MCM10: variants seen among roughly 807,000 people sequenced by gnomAD.
The protein encoded by MCM10 is minichromosome maintenance 10 replication initiation factor.
MCM10 carries 91 observed loss-of-function variants against 109.9 expected under a neutral mutation model. That is an observed-to-expected ratio of 0.83 (90% CI 0.70 to 0.99). MCM10 has a LOEUF of 0.99. Among genes scored for constraint, MCM10 ranks in the 50% least tolerant of loss-of-function variants. The probability of loss-of-function intolerance (pLI) is 0.00; values close to 1 mark genes in which losing one functional copy is unlikely to be tolerated. For synonymous variants in MCM10, 380 were observed against 387.2 expected (o/e 0.98, Z 0.22); for missense variants, 1,077 against 1,061.2 (o/e 1.01, Z -0.21).
intron 14 of MCM10, among the ~76,000 whole-genome samples, chr10:13,195,810 C>T (rs1476858666): frequency 2.6e-5 from 4 of 151,926 alleles, no homozygotes; most frequent in Non-Finnish European, 5.9e-5. Context: ...ACCATGTTGG[C>T]CAGGCTGGTC....
In MCM10 at chr10:13,172,817, T is replaced by C. The variant is rs757829321; in HGVS notation, c.592+52T>C. 90 of 1,577,198 alleles carry C rather than the reference T, an allele frequency of 5.7e-5. No homozygotes were observed. Among genetic ancestry groups the C allele is most frequent in the Non-Finnish European group, 7.5e-5 (86 of 1,151,180 alleles). Reference sequence around the variant, plus strand: ...TGGCACTATTGTATGTGTTTATGTGTGTGGGGGTGTTCATGTGTGTGTGGG... The same window carrying C: ...TGGCACTATTGTATGTGTTTATGTGCGTGGGGGTGTTCATGTGTGTGTGGG... On this transcript the variant is annotated intron_variant, in intron 5 of 19. Coordinates refer to ENST00000378714, the MANE Select transcript of MCM10 (RefSeq NM_018518.5). This position sits in a 1 kb window ranked among gnomAD's most constrained non-coding sequence, Gnocchi z 5.2.
intron 18 of MCM10, among the ~76,000 whole-genome samples, chr10:13,204,796 C>T (rs1044854258): frequency 2.6e-5 from 4 of 152,026 alleles, no homozygotes; most frequent in Admixed American, 2.6e-4. Flanking sequence ...GCACTCTTCC[C>T]CACAGGATAC....
rs748463100 is a variant in MCM10 at position 13,197,628 on chromosome 10, T to A, written c.1980T>A (p.Ala660=). The A allele has an allele frequency of 6.2e-7, 1 of 1,612,820 alleles. No individual in the cohort carries two copies. The highest frequency in any genetic ancestry group is 8.5e-7 in the Non-Finnish European group (1 of 1,179,698). The change falls in exon 15 of 20, where the codon GCT becomes GCA. Residue 660 remains alanine, a synonymous_variant. Coordinates refer to ENST00000378714, the MANE Select transcript of MCM10 (RefSeq NM_018518.5). ...TCTCATTCCCTTTTTTCTAGTTAGC[T>A]GCTATCACCAAATTAAGGGCAAAAG... ...LSALAEAKKL[A]AITKLRAKGQ...
chr10:13,169,433 C>G (rs1834042110), intron 2 of MCM10, among the ~76,000 whole-genome samples: 1 of 152,174 alleles, frequency 6.6e-6, no homozygotes, highest in Non-Finnish European at 1.5e-5. Flanking sequence ...TATGCCATTT[C>G]AAGAGTGCAT....
chr10:13,163,519 C>T (rs1344081599), intron 1 of MCM10, among the ~76,000 whole-genome samples: 3 of 152,160 alleles, frequency 2.0e-5, no homozygotes, highest in African/African-American at 4.8e-5. Context: ...TAATTAGCTA[C>T]GCTGTTTCTC....
chr10:13,208,016 T>G (rs562196730), intron 18 of MCM10, among the ~76,000 whole-genome samples: 3 of 150,586 alleles, frequency 2.0e-5, no homozygotes, highest in South Asian at 4.3e-4. Flanking sequence ...CAGAGTAAAC[T>G]TCATAGGAAA....
At chr10:13,197,879 T>A in intron 15 of MCM10, 112 bp downstream of exon 15, 1 of 1,071,332 alleles carries the variant, frequency 9.3e-7, no homozygotes, top group Non-Finnish European at 1.3e-6. Context: ...TTTCCTCCTA[T>A]ATAGAATACC....
Position 13,189,461 on chromosome 10 carries a change from T to A in MCM10, c.1415+381T>A, listed in dbSNP as rs929378879. ...CCTCAGCCTCCTGAGTAGCTGGGAC[T>A]ACAGGCGCGTGCCACCACGCCCAGC... is the stretch of plus-strand genomic sequence containing the variant. On this transcript the variant is annotated intron_variant, in intron 10 of 19. Transcript: ENST00000378714. Among the ~76,000 whole-genome samples, 13 of 152,292 alleles carry A rather than the reference T, an allele frequency of 8.5e-5. No individual in the cohort carries two copies. The South Asian group carries it at 2.7e-3, about 32-fold the overall frequency.
chr10:13,171,251 G>T lies in MCM10; in HGVS notation c.337G>T (p.Glu113Ter). ...TGCCCCCAGGCGAGAGAAAACGAAT[G>T]AAGAGTTGCAAGGTGCCCTAACTAC... ...APAPRREKTN[E>*]ELQEELRNLQ... Residue 113 changes from glutamate (E) to a stop codon, truncating the protein, a stop_gained, in exon 3 of 20, where the codon GAA (glutamate) becomes TAA (stop). Coordinates refer to ENST00000378714, the MANE Select transcript of MCM10 (RefSeq NM_018518.5). LOFTEE classifies it high-confidence loss of function. 2 of 1,609,414 alleles carry T rather than the reference G, an allele frequency of 1.2e-6. No individual in the cohort carries two copies. The highest frequency in any genetic ancestry group is 1.7e-6 in the Non-Finnish European group (2 of 1,177,812).
chr10:13,166,688 A>ATATG lies in MCM10; in HGVS notation c.7+2480_7+2481insATGT, dbSNP rs1435674336. Among the ~76,000 whole-genome samples, 142 of 135,920 alleles carry ATATG rather than the reference A, an allele frequency of 1.0e-3. 1 individual carries two copies. Among genetic ancestry groups the ATATG allele is most frequent in the African/African-American group, 4.1e-3 (137 of 33,092 alleles). The allele number at this position is 135,920 out of a possible 152,430, so 89.2% of individuals were successfully genotyped here. On this transcript the variant is annotated intron_variant, in intron 2 of 19. Coordinates refer to ENST00000378714, the MANE Select transcript of MCM10 (RefSeq NM_018518.5). ...TATATATATATATATATATATATATATCATCAGCTAAGAGTAAAGAGTGGG... is the reference window on the plus strand; with the variant it reads ...TATATATATATATATATATATATATATATGTCATCAGCTAAGAGTAAAGAGTGGG...
chr10:13,193,596 C>A (rs1564390112), intron 13 of MCM10, among the ~76,000 whole-genome samples: 1 of 152,164 alleles, frequency 6.6e-6, no homozygotes, highest in Admixed American at 6.5e-5. Context: ...CAACCACATC[C>A]ATGAAAGGGA....
intron 18 of MCM10, 82 bp downstream of exon 18, chr10:13,204,446 A>G (rs1834542808): frequency 6.5e-7 from 1 of 1,534,632 alleles, no homozygotes; most frequent in Admixed American, 1.7e-5. Flanking sequence ...GTTCCCTTGG[A>G]ACGTTGGATG....
intron 16 of MCM10, among the ~76,000 whole-genome samples, chr10:13,199,704 G>A (rs1005466271): frequency 2.6e-5 from 4 of 152,212 alleles, no homozygotes; most frequent in African/African-American, 9.6e-5. Context: ...ATTCATAAAT[G>A]CAGAGGCAGA....
intron 13 of MCM10, among the ~76,000 whole-genome samples, chr10:13,194,389 A>C (rs1410224500): frequency 6.6e-6 from 1 of 152,048 alleles, no homozygotes; most frequent in Non-Finnish European, 1.5e-5. Context: ...ATAGCTCTTA[A>C]AACTATTTTT....
At position 13,180,624 on chromosome 10, in the gene MCM10, G is replaced by T; in HGVS notation, c.930+17G>T. The T allele has an allele frequency of 6.2e-7, 1 of 1,612,780 alleles. No homozygotes were observed. The highest frequency in any genetic ancestry group is 1.1e-5 in the South Asian group (1 of 90,710). On this transcript the variant is annotated intron_variant, in intron 7 of 19. Coordinates refer to ENST00000378714, the MANE Select transcript of MCM10 (RefSeq NM_018518.5). Reference sequence around the variant, plus strand: ...GTGAATAGTGTAAGCCATTGTATTGGTTTCTTAGCTGTTTTACTACAAACT... The same window carrying T: ...GTGAATAGTGTAAGCCATTGTATTGTTTTCTTAGCTGTTTTACTACAAACT...
Position 13,188,923 on chromosome 10 carries a change from A to C in MCM10, c.1258A>C (p.Lys420Gln), listed in dbSNP as rs1834310376. 6.2e-7 allele frequency: 1 copy of C among 1,614,054 alleles called. No individual in the cohort carries two copies. Among genetic ancestry groups the C allele is most frequent in the South Asian group, 1.1e-5 (1 of 91,088 alleles). The stretch of plus-strand genomic sequence containing the variant: ...TCAGTACCATGTCCAGGCTCAGTAC[A>C]AGAAGCTCAGCGCAAAGCGTGCGGA... ...YCQYHVQAQY[K>Q]KLSAKRADLQ... The change falls in exon 10 of 20, where the codon AAG becomes CAG. Residue 420 changes from lysine to glutamine, a missense_variant. Lys to Gln is a moderately conservative substitution (Grantham distance 53, BLOSUM62 1). Transcript: ENST00000378714.
intron 8 of MCM10, among the ~76,000 whole-genome samples, chr10:13,184,989 T>TAA (rs1304321393): frequency 6.6e-6 from 1 of 152,184 alleles, no homozygotes; most frequent in African/African-American, 2.4e-5. Flanking sequence ...CAGCTGCCAG[T>TAA]GGTTCAGCAT....
chr10:13,182,814 A>C lies in MCM10; in HGVS notation c.931-119A>C. On this transcript the variant is annotated intron_variant, in intron 7 of 19. Coordinates refer to ENST00000378714, the MANE Select transcript of MCM10 (RefSeq NM_018518.5). The surrounding 1 kb of genome is among the most constrained non-coding windows in gnomAD (Gnocchi z 4.2). ...GATGATACATATTTGAATAACAACA[A>C]AAAAACTTGGATTTTATGGATTATA... The C allele has an allele frequency of 1.4e-6, 1 of 738,394 alleles. No homozygotes were observed. Among genetic ancestry groups the C allele is most frequent in the South Asian group, 2.2e-5 (1 of 44,654 alleles). 45.7% of individuals were successfully genotyped at this position (738,394 alleles called of 1,614,324 possible).
intron 18 of MCM10, among the ~76,000 whole-genome samples, chr10:13,208,186 C>T (rs983027769): frequency 3.3e-5 from 5 of 151,950 alleles, no homozygotes; most frequent in African/African-American, 1.2e-4. Context: ...GAGTTCAAGA[C>T]CAGCCTGGGC....
Sources: allele counts gnomAD v4.1 joint callset (sites outside exome capture counted in the v4.1 genomes callset), GRCh38; gene constraint gnomAD v4.1.1; non-coding constraint Gnocchi (gnomAD v3.1); transcripts MANE v1.5; gene names NCBI Gene and HGNC (gene_info 2026-07-23, HGNC 2026-07-21).